Variants in HOMER2 observed in about 807,000 individuals in gnomAD.
HOMER2 encodes homer scaffold protein 2.
In HOMER2, 27 loss-of-function variants were observed where a neutral mutation model predicts 47.0. The ratio of observed to expected loss-of-function variants is 0.57; its 90% confidence interval spans 0.42 to 0.79. HOMER2 has a LOEUF of 0.79. Ranked by LOEUF, HOMER2 falls within the 30% of genes least tolerant of loss-of-function variation. HOMER2 has a pLI of 0.00. For missense variants in HOMER2, 443 were observed against 435.0 expected (o/e 1.02, Z -0.16); for synonymous variants, 161 against 163.8 (o/e 0.98, Z 0.13).
intron 3 of HOMER2, among the ~76,000 whole-genome samples, chr15:82,868,629 A>G (rs1189091936): frequency 6.9e-6 from 1 of 144,692 alleles, no homozygotes; most frequent in East Asian, 2.0e-4. Context: ...GCTCACTGCA[A>G]CGTCCACCTC....
exon 2 of HOMER2, chr15:82,958,984 A>C (rs2054608669): frequency 6.6e-6 from 1 of 152,292 alleles, no homozygotes; most frequent in Non-Finnish European, 1.5e-5. Flanking sequence ...CCCCTATCAA[A>C]AGGTGTCTCC....
At position 82,852,177 on chromosome 15, in the gene HOMER2, C is replaced by T. The variant is rs754047402; in HGVS notation, c.727G>A (p.Glu243Lys). 28 of 1,613,820 alleles carry T rather than the reference C, an allele frequency of 1.7e-5. No individual in the cohort carries two copies. Among genetic ancestry groups the T allele is most frequent in the African/African-American group, 8.0e-5 (6 of 74,946 alleles). ...EKNTQLKRRI[E>K]ELEAELREKE... is the part of the protein sequence containing the mutation. ...TCTCGGAGCTCTGCCTCCAGCTCCT[C>T]GATCCTCCTCTTCAGCTGCGTGTTC... Residue 243 changes from glutamate (E) to lysine (K), a missense_variant, in exon 7 of 9, where the codon GAG (glutamate) becomes AAG (lysine). Transcript: ENST00000450735.
chr15:82,896,312 C>G (rs2052916330), intron 1 of HOMER2, among the ~76,000 whole-genome samples: 1 of 152,032 alleles, frequency 6.6e-6, no homozygotes, highest in South Asian at 2.1e-4. Context: ...CACAGGGAGC[C>G]GAGAAGATGG....
intron 2 of HOMER2, among the ~76,000 whole-genome samples, chr15:82,879,388 CAG>C (rs2052453431): frequency 6.6e-6 from 1 of 152,154 alleles, no homozygotes; most frequent in Non-Finnish European, 1.5e-5. Context: ...CCCAGCTACT[CAG>C]GGGGCTGAGG....
At chr15:82,876,966 G>A (rs1379473923) in intron 2 of HOMER2, among the ~76,000 whole-genome samples, 1 of 152,158 alleles carries the variant, frequency 6.6e-6, no homozygotes, top group African/African-American at 2.4e-5. Flanking sequence ...TATTGAGTTT[G>A]CTGATAAGCC....
rs762636591 is a variant in HOMER2 at position 82,980,946 on chromosome 15, G to T, written n.82+4841C>A. 5.9e-5 allele frequency among the ~76,000 whole-genome samples: 9 copies of T among 152,138 alleles called. 1 individual carries two copies. Among genetic ancestry groups the T allele is most frequent in the Non-Finnish European group, 8.8e-5 (6 of 68,028 alleles). ...TATTCTTTGTAAAATACGCATGTCG[G>T]GGGGAAAGGAGATCCGAGATAGTCT... On this transcript the variant is annotated intron_variant and non_coding_transcript_variant, in intron 1 of 1. Transcript: ENST00000500334.
chr15:82,968,143 C>A (rs2054692537), intron 1 of HOMER2, among the ~76,000 whole-genome samples: 1 of 152,074 alleles, frequency 6.6e-6, no homozygotes, highest in African/African-American at 2.4e-5. Flanking sequence ...CTCAAGTGAT[C>A]CTCCCGCCTC....
intron 1 of HOMER2, among the ~76,000 whole-genome samples, chr15:82,914,655 G>A (rs2053537225): frequency 6.6e-6 from 1 of 152,176 alleles, no homozygotes; most frequent in Non-Finnish European, 1.5e-5. Context: ...ACACGACATT[G>A]TGAATAAGCT....
chr15:82,943,281 G>A (rs770115290), intron 1 of HOMER2, among the ~76,000 whole-genome samples: 3 of 152,320 alleles, frequency 2.0e-5, no homozygotes, highest in South Asian at 2.1e-4. Context: ...AGGGTGAGGA[G>A]GGCTGGGGCT....
intron 1 of HOMER2, among the ~76,000 whole-genome samples, chr15:82,921,227 G>A (rs1273075059): frequency 3.3e-5 from 5 of 152,160 alleles, no homozygotes; most frequent in Non-Finnish European, 7.4e-5. Flanking sequence ...GGCGGAGGTT[G>A]CAGTGAGCCA....
At chr15:82,965,925 C>G (rs1445006202) in intron 1 of HOMER2, among the ~76,000 whole-genome samples, 2 of 152,022 alleles carry the variant, frequency 1.3e-5, no homozygotes, top group African/African-American at 4.8e-5. Context: ...CGAAACCCAT[C>G]ATTACAAAAA....
At chr15:82,867,135 A>T (rs1344804062) in intron 3 of HOMER2, among the ~76,000 whole-genome samples, 1 of 152,200 alleles carries the variant, frequency 6.6e-6, no homozygotes, top group African/African-American at 2.4e-5. Context: ...ACAAACCTGT[A>T]GCATGATAAA....
chr15:82,936,914 T>A, intron 1 of HOMER2, among the ~76,000 whole-genome samples: 1 of 151,780 alleles, frequency 6.6e-6, no homozygotes, highest in East Asian at 1.9e-4. Flanking sequence ...AGTCACAGAT[T>A]ATAACAGATT....
At chr15:82,984,216 T>C (rs2030506818) in intron 1 of HOMER2, among the ~76,000 whole-genome samples, 1 of 151,816 alleles carries the variant, frequency 6.6e-6, no homozygotes, top group African/African-American at 2.4e-5. Flanking sequence ...GTATACTTAG[T>C]AGAGACAGGG....
upstream of HOMER2, among the ~76,000 whole-genome samples, chr15:82,955,785 C>A (rs555074249): frequency 6.6e-6 from 1 of 152,278 alleles, no homozygotes; most frequent in East Asian, 1.9e-4. Flanking sequence ...GCATAAAGTG[C>A]TCAGCAAAAC....
upstream of HOMER2, among the ~76,000 whole-genome samples, chr15:82,956,054 AC>A (rs2054584767): frequency 6.6e-6 from 1 of 152,084 alleles, no homozygotes; most frequent in African/African-American, 2.4e-5. Flanking sequence ...AGCCTGGCCA[AC>A]ATGGCAAAAC....
intron 6 of HOMER2, chr15:82,852,553 G>T (rs145150267): frequency 9.3e-5 from 28 of 299,524 alleles, no homozygotes; most frequent in African/African-American, 5.7e-4. Flanking sequence ...TCTCATGGCC[G>T]TGAAGAAGTA....
chr15:82,972,470 C>G (rs180772307), intron 1 of HOMER2, among the ~76,000 whole-genome samples: 2 of 152,206 alleles, frequency 1.3e-5, no homozygotes, highest in Admixed American at 1.3e-4. Flanking sequence ...CTGCCTCAGC[C>G]TCCTGAGTAG....
intron 1 of HOMER2, among the ~76,000 whole-genome samples, chr15:82,935,034 T>C (rs1402129489): frequency 6.6e-6 from 1 of 151,986 alleles, no homozygotes; most frequent in African/African-American, 2.4e-5. Flanking sequence ...TCCCTGGGGC[T>C]CTGAACCACA....
Sources: allele counts gnomAD v4.1 joint callset (sites outside exome capture counted in the v4.1 genomes callset), GRCh38; gene constraint gnomAD v4.1.1; transcripts MANE v1.5; gene names NCBI Gene and HGNC (gene_info 2026-07-23, HGNC 2026-07-21).